Variants in FAM193B observed in about 807,000 individuals in gnomAD.
FAM193B encodes protein FAM193B.
Under a neutral mutation model 70.7 loss-of-function variants are expected in FAM193B, and 27 were observed. That is an observed-to-expected ratio of 0.38 (90% CI 0.28 to 0.53). The LOEUF is 0.53. FAM193B is among the 20% of genes least tolerant of loss of function. FAM193B has a pLI of 0.81. For missense variants in FAM193B, 1,022 were observed against 1,072.5 expected, an observed-to-expected ratio of 0.95 and a Z score of 0.66; for synonymous variants, 448 against 436.0, an observed-to-expected ratio of 1.03 and a Z score of -0.34.
At chr5:177,534,899 T>G (rs1764000503) in intron 4 of FAM193B, among the ~76,000 whole-genome samples, 1 of 152,222 alleles carries the variant, frequency 6.6e-6, no homozygotes, top group Non-Finnish European at 1.5e-5. Flanking sequence ...ATTATAGGCA[T>G]GAGCTGGGCA....
chr5:177,522,023 G>A lies in FAM193B; in HGVS notation c.2421C>T (p.Asn807=), dbSNP rs765221962. 1.2e-6 allele frequency: 2 copies of A among 1,614,042 alleles called. No homozygotes were observed. The highest frequency in any genetic ancestry group is 4.5e-5 in the East Asian group (2 of 44,884). ...TTTTCTTGAGGCTGAAGTTGGTCCA[G>A]TTCACAGCAACTTTCTGACGAGTCT... ...AKQTRQKVAV[N]WTNFSLKKTT... Residue 807 remains asparagine, a synonymous_variant, in exon 8 of 9, where the codon AAC becomes AAT. Transcript: ENST00000514747.
chr5:177,523,114 C>T (rs914944147), intron 7 of FAM193B: 2 of 227,936 alleles, frequency 8.8e-6, no homozygotes, highest in Non-Finnish European at 1.9e-5. Flanking sequence ...ATTCTCCTGC[C>T]TCAGCCTCCC....
chr5:177,547,655 C>T (rs1765630071), intron 1 of FAM193B, among the ~76,000 whole-genome samples: 1 of 152,166 alleles, frequency 6.6e-6, no homozygotes, highest in Non-Finnish European at 1.5e-5. Context: ...GAACCCCCAG[C>T]TCCTTGTTTT....
At chr5:177,539,456 A>C in intron 1 of FAM193B, 1 of 291,566 alleles carries the variant, frequency 3.4e-6, no homozygotes, top group Non-Finnish European at 6.5e-6. Flanking sequence ...TGACATCCCC[A>C]AATCTTAAAG....
intron 7 of FAM193B, 98 bp from the exon 8 acceptor site, chr5:177,522,169 G>A: frequency 1.0e-6 from 1 of 962,020 alleles, no homozygotes; most frequent in Non-Finnish European, 1.6e-6. Flanking sequence ...TAAGAGACCA[G>A]GTTCTCTACA....
At chr5:177,530,940 C>G (rs1178902390) in intron 5 of FAM193B, among the ~76,000 whole-genome samples, 1 of 152,242 alleles carries the variant, frequency 6.6e-6, no homozygotes, top group Non-Finnish European at 1.5e-5. Context: ...AGTCTCCCCA[C>G]TGGACAGCTT....
At chr5:177,545,168 C>T (rs963404794) in intron 1 of FAM193B, among the ~76,000 whole-genome samples, 1 of 152,108 alleles carries the variant, frequency 6.6e-6, no homozygotes, top group Non-Finnish European at 1.5e-5. Context: ...CTCAGCCTCC[C>T]AAGTGGCTAG....
At chr5:177,552,527 A>G (rs1369204276) in intron 1 of FAM193B, among the ~76,000 whole-genome samples, 2 of 152,262 alleles carry the variant, frequency 1.3e-5, no homozygotes, top group African/African-American at 2.4e-5. Context: ...TATGTGGCAG[A>G]GACCCTGAAG....
chr5:177,520,652 T>C (rs563807209), intron 8 of FAM193B, among the ~76,000 whole-genome samples: 1 of 152,360 alleles, frequency 6.6e-6, no homozygotes, highest in African/African-American at 2.4e-5. Flanking sequence ...ATTTGATTTC[T>C]TGAATGACAG....
intron 1 of FAM193B, among the ~76,000 whole-genome samples, chr5:177,540,181 C>T (rs538946468): frequency 2.0e-5 from 3 of 151,988 alleles, no homozygotes; most frequent in African/African-American, 7.3e-5. Context: ...GTGGCAAGCA[C>T]CTGTAGTCCC....
At chr5:177,553,823 C>T (rs1018200716) in intron 1 of FAM193B, 2 of 1,284,838 alleles carry the variant, frequency 1.6e-6, no homozygotes, top group Admixed American at 2.3e-5. Flanking sequence ...CGGAGTGGAG[C>T]CGTTCCCGGG....
intron 1 of FAM193B, 71 bp downstream of exon 1, chr5:177,554,178 G>C (rs371129723): frequency 1.4e-6 from 2 of 1,452,654 alleles, no homozygotes; most frequent in African/African-American, 3.0e-5. Context: ...CCCCAACCCC[G>C]CCCCACTCCC....
chr5:177,554,047 G>A (rs901459064), intron 1 of FAM193B: 1 of 1,347,376 alleles, frequency 7.4e-7, no homozygotes, highest in East Asian at 3.2e-5. Context: ...AGTCGCAGGA[G>A]CGCGGACCGA....
intron 4 of FAM193B, among the ~76,000 whole-genome samples, chr5:177,535,916 A>G (rs1436636228): frequency 1.9e-5 from 2 of 102,672 alleles, no homozygotes; most frequent in Admixed American, 1.3e-4. Flanking sequence ...AAAACCCCAC[A>G]TACTATTTTT....
intron 1 of FAM193B, among the ~76,000 whole-genome samples, chr5:177,545,371 T>C (rs1269598128): frequency 1.3e-5 from 2 of 152,176 alleles, no homozygotes; most frequent in East Asian, 1.9e-4. Context: ...TTGGAAAATA[T>C]AGTTTTCATT....
intron 5 of FAM193B, among the ~76,000 whole-genome samples, chr5:177,528,224 G>A (rs1041314781): frequency 3.9e-5 from 6 of 152,202 alleles, no homozygotes; most frequent in East Asian, 1.9e-4. Flanking sequence ...GGACTAACAC[G>A]ATAGGAACAG....
intron 5 of FAM193B, chr5:177,531,404 C>T (rs1763430034): frequency 7.5e-7 from 1 of 1,331,098 alleles, no homozygotes; most frequent in Admixed American, 2.0e-5. Flanking sequence ...GCGGGCTCCC[C>T]AGGGATCCCG....
At chr5:177,541,666 G>A (rs895996932) in intron 1 of FAM193B, among the ~76,000 whole-genome samples, 6 of 152,156 alleles carry the variant, frequency 3.9e-5, no homozygotes, top group South Asian at 2.1e-4. Flanking sequence ...TGATCCGCCC[G>A]CCTCGGCCTC....
chr5:177,550,980 CCCA>C (rs1458311593), intron 1 of FAM193B, among the ~76,000 whole-genome samples: 3 of 147,312 alleles, frequency 2.0e-5, no homozygotes, highest in African/African-American at 8.0e-5. Flanking sequence ...TAGGTGTGAA[CCCA>C]TGCCCAGCTA....
Sources: allele counts gnomAD v4.1 joint callset (sites outside exome capture counted in the v4.1 genomes callset), GRCh38; gene constraint gnomAD v4.1.1; transcripts MANE v1.5; gene names NCBI Gene and HGNC (gene_info 2026-07-23, HGNC 2026-07-21).